Variants in EREG observed in about 807,000 individuals in gnomAD.
The protein encoded by EREG is proepiregulin.
EREG carries 23 observed loss-of-function variants against 22.4 expected under a neutral mutation model. The ratio of observed to expected loss-of-function variants is 1.03; its 90% CI spans 0.74 to 1.46. EREG has a LOEUF of 1.46. Ranked by LOEUF, EREG falls within the 40% of genes most tolerant of loss-of-function variation. EREG has a pLI of 0.00. For synonymous variants in EREG, 100 were observed against 75.4 expected (o/e 1.33, Z -1.69); for missense variants, 226 against 205.9 (o/e 1.10, Z -0.60).
chr4:74,387,509 ATAGT>A lies in EREG; in HGVS notation c.*2705_*2708del, dbSNP rs1752589343. On this transcript the variant is annotated 3_prime_UTR_variant, in exon 5 of 5. Coordinates refer to ENST00000244869, the MANE Select transcript of EREG (RefSeq NM_001432.3). ...ATGCTTAAAAAAGCTAATCCCTAAA[ATAGT>A]TAGATCTTTGTAAATGCATATTAAA... 1 of 152,338 alleles carries A rather than the reference ATAGT, an allele frequency of 6.6e-6. No homozygotes were observed. Among genetic ancestry groups the A allele is most frequent in the East Asian group, 1.9e-4 (1 of 5,190 alleles). The allele number at this position is 152,338 out of a possible 1,614,324, so 9.4% of individuals were successfully genotyped here.
chr4:74,365,519 T>G, intron 1 of EREG, 144 bp downstream of exon 1: 1 of 260,830 alleles, frequency 3.8e-6, no homozygotes, highest in East Asian at 1.6e-4. Context: ...TTTGTGAGTC[T>G]GTCTTCCCCT....
intron 1 of EREG, among the ~76,000 whole-genome samples, chr4:74,374,373 C>T (rs2110385633): frequency 1.3e-5 from 2 of 152,168 alleles, no homozygotes; most frequent in African/African-American, 4.8e-5. Flanking sequence ...TCAGTGCAAT[C>T]CTTAGGAAGC....
At chr4:74,372,402 G>T (rs1385961963) in intron 1 of EREG, among the ~76,000 whole-genome samples, 1 of 152,064 alleles carries the variant, frequency 6.6e-6, no homozygotes, top group Non-Finnish European at 1.5e-5. Flanking sequence ...TTGGCCATAG[G>T]CATCTACAGA....
rs1752550162 is a variant in EREG, at chr4:74,385,164, C to CTA, written c.*365_*366dup. ...TAGCAAATGACAGATTTCTGTAAGC[C>CTA]TATATATATAGTCAAATCGATTTAG... On this transcript the variant is annotated 3_prime_UTR_variant, in exon 5 of 5. Transcript: ENST00000244869. 5.7e-6 allele frequency: 1 copy of CTA among 175,812 alleles called. No homozygotes were observed. The highest frequency in any genetic ancestry group is 1.2e-5 in the Non-Finnish European group (1 of 83,540). The allele number at this position is 175,812 out of a possible 1,614,324, so 10.9% of individuals were successfully genotyped here.
chr4:74,381,162 A>T (rs1752468426), intron 3 of EREG, 25 bp downstream of exon 3: 1 of 1,598,730 alleles, frequency 6.3e-7, no homozygotes, highest in Non-Finnish European at 8.5e-7. Context: ...ATAAACAAAC[A>T]CAGTTTGTAA....
chr4:74,368,383 A>G (rs1250321019), intron 1 of EREG, among the ~76,000 whole-genome samples: 1 of 152,168 alleles, frequency 6.6e-6, no homozygotes, highest in Non-Finnish European at 1.5e-5. Flanking sequence ...CCTTATTTTT[A>G]TATTTTCCAA....
At chr4:74,380,398 G>C (rs958401047) in intron 2 of EREG, among the ~76,000 whole-genome samples, 1 of 152,028 alleles carries the variant, frequency 6.6e-6, no homozygotes, top group South Asian at 2.1e-4. Context: ...TTACACAAAG[G>C]CTCCTATTTT....
intron 1 of EREG, among the ~76,000 whole-genome samples, chr4:74,371,044 T>G (rs746341652): frequency 2.4e-4 from 36 of 152,082 alleles, no homozygotes; most frequent in Admixed American, 9.2e-4. Context: ...TAGATGTCAG[T>G]AGCATCCCCA....
intron 2 of EREG, 60 bp from the exon 3 acceptor site, chr4:74,380,954 G>C (rs1443185812): frequency 2.6e-6 from 4 of 1,563,930 alleles, no homozygotes; most frequent in Non-Finnish European, 3.5e-6. Context: ...TGTTATGAAA[G>C]AGTGAGAAAT....
chr4:74,382,379 A>C (rs1227656452), intron 3 of EREG: 3 of 327,830 alleles, frequency 9.2e-6, no homozygotes, highest in African/African-American at 6.3e-5. Flanking sequence ...AAACCTGTAC[A>C]ACTTACAAAA....
chr4:74,381,107 A>G lies in EREG; in HGVS notation c.248A>G (p.Tyr83Cys). ...TATTGTTTGCATGGACAGTGCATCT[A>G]TCTGGTGGACATGAGTCAAAACTAC... Reference protein sequence around the residue: ...NGYCLHGQCIYLVDMSQNYCR... With the variant: ...NGYCLHGQCICLVDMSQNYCR... Residue 83 changes from tyrosine (Y) to cysteine (C), a missense_variant, in exon 3 of 5, where the codon TAT becomes TGT. Tyr to Cys is a radical substitution (Grantham distance 194). Coordinates refer to ENST00000244869, the MANE Select transcript of EREG (RefSeq NM_001432.3). 1 of 1,613,392 alleles carries G rather than the reference A, an allele frequency of 6.2e-7. No homozygotes were observed. The highest frequency in any genetic ancestry group is 8.5e-7 in the Non-Finnish European group (1 of 1,179,694).
intron 1 of EREG, among the ~76,000 whole-genome samples, chr4:74,377,168 A>G (rs1167918756): frequency 6.6e-6 from 1 of 152,236 alleles, no homozygotes; most frequent in South Asian, 2.1e-4. Context: ...GAAAAAAAAA[A>G]AAAAAAACAT....
rs923598025 is a variant in EREG, at chr4:74,373,036, C to T, written c.68-6412C>T. ...TTCACCATGTTGGCCAGGATGGTCT[C>T]GATCTCTTGACCTCATGATCCACCA... is the stretch of plus-strand genomic sequence containing the variant. On this transcript the variant is annotated intron_variant, in intron 1 of 4. Transcript: ENST00000244869. Among the ~76,000 whole-genome samples the T allele has an allele frequency of 2.9e-5, 4 of 138,486 alleles. No homozygotes were observed. In the South Asian group the frequency reaches 6.9e-4, roughly 24 times the overall value. The allele number at this position is 138,486 out of a possible 152,430, so 90.9% of individuals were successfully genotyped here. A position where few individuals can be genotyped will look rare whatever the true frequency, so the allele number is the denominator to read the frequency against.
In EREG at chr4:74,388,262, C is replaced by G. The variant is rs981222698; in HGVS notation, c.*3454C>G. The G allele has an allele frequency of 6.6e-6, 1 of 152,036 alleles. No homozygotes were observed. The highest frequency in any genetic ancestry group is 2.4e-5 in the African/African-American group (1 of 41,386). 9.4% of individuals were successfully genotyped at this position (152,036 alleles called of 1,614,324 possible). ...TGAAAAAAAAGTTTTTAATTTGATG[C>G]CCAATATATTCTGACCGTTAAAAAA... On this transcript the variant is annotated 3_prime_UTR_variant, in exon 5 of 5. Transcript: ENST00000244869.
In EREG at chr4:74,384,878, A is replaced by G. The variant is rs1164773599; in HGVS notation, c.*70A>G. The G allele has an allele frequency of 1.2e-6, 1 of 861,512 alleles. No homozygotes were observed. Among genetic ancestry groups the G allele is most frequent in the Non-Finnish European group, 1.9e-6 (1 of 528,550 alleles). 53.4% of individuals were successfully genotyped at this position (861,512 alleles called of 1,614,324 possible). A position where few individuals can be genotyped will look rare whatever the true frequency, so the allele number is the denominator to read the frequency against. On this transcript the variant is annotated 3_prime_UTR_variant, in exon 5 of 5. Coordinates refer to ENST00000244869, the MANE Select transcript of EREG (RefSeq NM_001432.3). ...TAATATTAATATTCCCATTTTATTA[A>G]TAATATTTATGTTGGGTCAAGTGTT...
Position 74,385,593 on chromosome 4 carries a change from A to T in EREG, c.*785A>T, listed in dbSNP as rs1226724181. ...TTTTGTATATTACAACATTTATGTG[A>T]GGTAATTATTGCTCAACAGACAATT... On this transcript the variant is annotated 3_prime_UTR_variant, in exon 5 of 5. Coordinates refer to ENST00000244869, the MANE Select transcript of EREG (RefSeq NM_001432.3). 2 of 293,390 alleles carry T rather than the reference A, an allele frequency of 6.8e-6. No homozygotes were observed. Among genetic ancestry groups the T allele is most frequent in the Admixed American group, 1.0e-4 (2 of 19,462 alleles). The allele number at this position is 293,390 out of a possible 1,614,324, so 18.2% of individuals were successfully genotyped here.
intron 2 of EREG, among the ~76,000 whole-genome samples, chr4:74,380,570 C>T (rs577398541): frequency 6.6e-6 from 1 of 152,130 alleles, no homozygotes; most frequent in Non-Finnish European, 1.5e-5. Flanking sequence ...GATTAAAAAT[C>T]CACTGTAGAA....
In EREG at chr4:74,385,707, A is replaced by G. The variant is rs1578824646; in HGVS notation, c.*899A>G. The stretch of plus-strand genomic sequence containing the variant: ...TTTTATAGGGGCTTTGCTGAATTCT[A>G]ACATTAAATCACAGCCCAAAATTTG... On this transcript the variant is annotated 3_prime_UTR_variant, in exon 5 of 5. Transcript: ENST00000244869. 2 of 374,398 alleles carry G rather than the reference A, an allele frequency of 5.3e-6. No homozygotes were observed. 23.2% of individuals were successfully genotyped at this position (374,398 alleles called of 1,614,324 possible).
chr4:74,368,972 G>A (rs1490160830), intron 1 of EREG, among the ~76,000 whole-genome samples: 1 of 152,138 alleles, frequency 6.6e-6, no homozygotes, highest in East Asian at 1.9e-4. Flanking sequence ...ACCTAAGACT[G>A]GGTGTTTAGT....
Sources: gnomAD v4.1 joint callset for allele counts (sites outside exome capture counted in the v4.1 genomes callset) on GRCh38, gnomAD v4.1.1 for gene constraint, MANE v1.5 for transcripts, NCBI Gene and HGNC (gene_info 2026-07-23, HGNC 2026-07-21) for gene names.